Variants in IQUB observed in about 807,000 individuals in gnomAD.
The protein encoded by IQUB is IQ motif and ubiquitin domain containing, also known as IQ motif and ubiquitin-like domain-containing protein.
Under a neutral mutation model 86.4 loss-of-function variants are expected in IQUB, and 86 were observed. The observed-to-expected ratio is 1.00, with a 90% CI of 0.84 to 1.19. The LOEUF is 1.19. Among genes scored for constraint, IQUB ranks in the 50% most tolerant of loss-of-function variants. The probability of loss-of-function intolerance (pLI) is 0.00; values close to 1 mark genes in which losing one functional copy is unlikely to be tolerated. For synonymous variants in IQUB, 289 were observed against 304.5 expected, an observed-to-expected ratio of 0.95 and a Z score of 0.53; for missense variants, 946 against 916.9, an observed-to-expected ratio of 1.03 and a Z score of -0.41.
At chr7:123,467,846 T>C (rs1471926362) in intron 9 of IQUB, among the ~76,000 whole-genome samples, 1 of 152,186 alleles carries the variant, frequency 6.6e-6, no homozygotes, top group Admixed American at 6.5e-5. Flanking sequence ...CTCTGGACTC[T>C]TCAAGTTTAG....
rs1796433641 is a variant in IQUB, at chr7:123,511,953, G to C, written c.388C>G (p.Leu130Val). The change falls in exon 2 of 13, where the codon CTA (leucine) becomes GTA (valine). Residue 130 changes from leucine (L) to valine (V), a missense_variant. Transcript: ENST00000324698. The part of the protein sequence containing the change: ...ESLQESVEDS[L>V]ATVKVVLIPV... ...CTTCCTTAGGTAGTACCTGTTGCTA[G>C]AGAATCTTCCACTGATTCTTGCAAA... The C allele has an allele frequency of 1.3e-6, 2 of 1,598,598 alleles. No individual in the cohort carries two copies. Among genetic ancestry groups the C allele is most frequent in the African/African-American group, 1.3e-5 (1 of 74,530 alleles).
chr7:123,461,463 T>G lies in IQUB; in HGVS notation c.1901A>C (p.Glu634Ala). The change falls in exon 11 of 13, where the codon GAG becomes GCG. Residue 634 changes from glutamate to alanine, a missense_variant. By Grantham distance (107) the Glu-to-Ala change is moderately radical. Coordinates refer to ENST00000324698, the MANE Select transcript of IQUB (RefSeq NM_178827.5). ...RCRNCINLQNEAQKRESFLKY... is the reference protein window; with the variant it reads ...RCRNCINLQNAAQKRESFLKY... Reference sequence around the variant, plus strand: ...CAAAAATGATTCTCGTTTTTGAGCCTCATTCTGAAGGTTAATGCAGTTACG... The same window carrying G: ...CAAAAATGATTCTCGTTTTTGAGCCGCATTCTGAAGGTTAATGCAGTTACG... 1 of 1,612,484 alleles carries G rather than the reference T, an allele frequency of 6.2e-7. No homozygotes were observed.
intron 1 of IQUB, among the ~76,000 whole-genome samples, chr7:123,517,530 CAAA>C (rs374712007): frequency 8.9e-5 from 2 of 22,452 alleles, no homozygotes; most frequent in African/African-American, 2.0e-4. Context: ...GACTCCATCT[CAAA>C]AAAAAAAAAA....
chr7:123,452,748 G>A lies in IQUB; in HGVS notation c.2371C>T (p.His791Tyr). The A allele has an allele frequency of 1.2e-6, 2 of 1,610,642 alleles. No homozygotes were observed. The highest frequency in any genetic ancestry group is 1.1e-5 in the South Asian group (1 of 90,780). Residue 791 changes from histidine to tyrosine, a missense_variant, in exon 13 of 13, where the codon CAT becomes TAT. Physicochemically the swap from His to Tyr is moderately conservative, Grantham distance 83 (BLOSUM62 2). Coordinates refer to ENST00000324698, the MANE Select transcript of IQUB (RefSeq NM_178827.5). ...PKIIESQRPP[H>Y] ...AACAAATACTCCTGGATCACCTAAT[G>A]AGGAGGCCTCTGGGATTCTATAATC...
At chr7:123,466,584 G>A (rs1228098720) in intron 9 of IQUB, among the ~76,000 whole-genome samples, 1 of 152,120 alleles carries the variant, frequency 6.6e-6, no homozygotes, top group Non-Finnish European at 1.5e-5. Flanking sequence ...CTCCCTGGAA[G>A]AACCATTTAC....
At chr7:123,461,253 A>G (rs1793965927) in intron 11 of IQUB, 104 bp downstream of exon 11, 2 of 1,159,524 alleles carry the variant, frequency 1.7e-6, no homozygotes, top group Non-Finnish European at 2.4e-6. Context: ...AGTGGAATAG[A>G]GAGTCATTAA....
chr7:123,498,930 G>A (rs1795823661), intron 6 of IQUB, among the ~76,000 whole-genome samples: 1 of 152,138 alleles, frequency 6.6e-6, no homozygotes, highest in African/African-American at 2.4e-5. Flanking sequence ...TATTGACAGA[G>A]AACTAGTAGT....
intron 11 of IQUB, among the ~76,000 whole-genome samples, chr7:123,458,698 T>C (rs1793834962): frequency 6.6e-6 from 1 of 152,048 alleles, no homozygotes; most frequent in South Asian, 2.1e-4. Context: ...ACGTGTTTAT[T>C]TGCATGTAAA....
At chr7:123,454,806 G>A (rs1793614247) in intron 12 of IQUB, among the ~76,000 whole-genome samples, 1 of 152,104 alleles carries the variant, frequency 6.6e-6, no homozygotes, top group South Asian at 2.1e-4. Flanking sequence ...GACCACAGGG[G>A]TGAAGTGCCC....
At chr7:123,503,923 C>T (rs1056895785) in intron 3 of IQUB, among the ~76,000 whole-genome samples, 1 of 151,902 alleles carries the variant, frequency 6.6e-6, no homozygotes, top group African/African-American at 2.4e-5. Flanking sequence ...AATATAAATA[C>T]ATAACAACCA....
At chr7:123,467,501 TTG>T (rs965052413) in intron 9 of IQUB, among the ~76,000 whole-genome samples, 1 of 152,160 alleles carries the variant, frequency 6.6e-6, no homozygotes, top group Non-Finnish European at 1.5e-5. Flanking sequence ...AAATGACTAA[TTG>T]TTGTGGCAGT....
At chr7:123,512,964 T>C (rs1042935754) in intron 1 of IQUB, among the ~76,000 whole-genome samples, 12 of 152,164 alleles carry the variant, frequency 7.9e-5, no homozygotes, top group Admixed American at 3.9e-4. Context: ...GTCCAAGGCA[T>C]GCCAGAGCCG....
intron 1 of IQUB, among the ~76,000 whole-genome samples, chr7:123,534,149 C>CTAAG (rs1368919655): frequency 6.6e-6 from 1 of 152,058 alleles, no homozygotes; most frequent in East Asian, 1.9e-4. Flanking sequence ...CCACGGAAGG[C>CTAAG]TAAGAGTCTC....
intron 1 of IQUB, among the ~76,000 whole-genome samples, chr7:123,528,573 G>A (rs1170951998): frequency 6.6e-6 from 1 of 152,146 alleles, no homozygotes; most frequent in South Asian, 2.1e-4. Context: ...CTGTATCTCA[G>A]TGTAGGAGTC....
At chr7:123,514,804 G>T (rs1287232793) in intron 1 of IQUB, among the ~76,000 whole-genome samples, 3 of 151,976 alleles carry the variant, frequency 2.0e-5, no homozygotes, top group Non-Finnish European at 2.9e-5. Flanking sequence ...CTATGTTCAG[G>T]TATAGATGTT....
intron 10 of IQUB, among the ~76,000 whole-genome samples, chr7:123,462,344 A>G (rs999582928): frequency 6.6e-6 from 1 of 151,830 alleles, no homozygotes; most frequent in African/African-American, 2.4e-5. Flanking sequence ...ATGGACATCA[A>G]TGTTCTATAA....
At chr7:123,532,878 G>C (rs1326300237) in intron 1 of IQUB, 1 of 152,300 alleles carries the variant, frequency 6.6e-6, no homozygotes, top group Non-Finnish European at 1.5e-5. Flanking sequence ...CCCCGAAAAG[G>C]CCCCCAAGCT....
intron 7 of IQUB, among the ~76,000 whole-genome samples, chr7:123,492,125 ACT>A (rs1795499629): frequency 6.6e-6 from 1 of 152,188 alleles, no homozygotes; most frequent in South Asian, 2.1e-4. Context: ...ATCCCCAGAC[ACT>A]GAGTCTGCTG....
intron 6 of IQUB, among the ~76,000 whole-genome samples, chr7:123,499,095 A>T (rs1374981791): frequency 6.6e-6 from 1 of 152,136 alleles, no homozygotes; most frequent in East Asian, 1.9e-4. Context: ...AAATCCCAGC[A>T]TTCCAAAATG....
Sources: gnomAD v4.1 joint callset for allele counts (sites outside exome capture counted in the v4.1 genomes callset) on GRCh38, gnomAD v4.1.1 for gene constraint, MANE v1.5 for transcripts, NCBI Gene and HGNC (gene_info 2026-07-23, HGNC 2026-07-21) for gene names.